ASXL3: variants seen among roughly 807,000 people sequenced by gnomAD.
ASXL3 encodes the protein putative Polycomb group protein ASXL3.
In ASXL3, 34 loss-of-function variants were observed where a neutral mutation model predicts 170.6. The observed-to-expected ratio is 0.20, with a 90% CI of 0.15 to 0.27. The LOEUF is 0.27. Among genes scored for constraint, ASXL3 ranks in the 10% least tolerant of loss-of-function variants. The pLI, the probability that ASXL3 is intolerant of heterozygous loss-of-function variation, is 1.00. For missense variants in ASXL3, 2,592 were observed against 2,695.3 expected (o/e 0.96, Z 0.85); for synonymous variants, 1,002 against 989.1 (o/e 1.01, Z -0.24).
At chr18:33,733,315 C>G (rs1366515767) in intron 9 of ASXL3, among the ~76,000 whole-genome samples, 1 of 152,084 alleles carries the variant, frequency 6.6e-6, no homozygotes, top group Admixed American at 6.6e-5. Context: ...AGCTTCTCTT[C>G]CCTCTCAACT....
At chr18:33,584,700 C>A (rs747637112) in intron 1 of ASXL3, among the ~76,000 whole-genome samples, 16 of 151,760 alleles carry the variant, frequency 1.1e-4, no homozygotes, top group Non-Finnish European at 2.1e-4. Flanking sequence ...CCTAAAATAC[C>A]CTCTTGAGAT....
chr18:33,668,043 T>G (rs2066285704), intron 5 of ASXL3, among the ~76,000 whole-genome samples: 1 of 152,236 alleles, frequency 6.6e-6, no homozygotes, highest in African/African-American at 2.4e-5. Flanking sequence ...ACCTCTGTTT[T>G]GTAGGACATT....
intron 1 of ASXL3, among the ~76,000 whole-genome samples, chr18:33,594,244 T>C (rs1233043764): frequency 3.3e-5 from 5 of 152,212 alleles, no homozygotes; most frequent in African/African-American, 1.2e-4. Context: ...TAAGACTTGT[T>C]GTGAGTCCTA....
intron 8 of ASXL3, among the ~76,000 whole-genome samples, chr18:33,709,399 A>C (rs2067018614): frequency 6.6e-6 from 1 of 152,204 alleles, no homozygotes. Context: ...TATCAACAGC[A>C]TAATGGATAA....
intron 1 of ASXL3, among the ~76,000 whole-genome samples, chr18:33,585,478 C>G (rs1179908008): frequency 6.6e-6 from 1 of 152,228 alleles, no homozygotes; most frequent in South Asian, 2.1e-4. Flanking sequence ...AGACACCTAC[C>G]TCTCCTCTTC....
intron 8 of ASXL3, among the ~76,000 whole-genome samples, chr18:33,713,346 C>A (rs571922811): frequency 1.2e-4 from 16 of 133,730 alleles, no homozygotes; most frequent in South Asian, 2.5e-4. Flanking sequence ...CCTCCACCCC[C>A]CCCCGGGTTC....
intron 8 of ASXL3, among the ~76,000 whole-genome samples, chr18:33,715,702 A>G (rs1054926504): frequency 3.3e-5 from 5 of 152,204 alleles, no homozygotes; most frequent in African/African-American, 1.2e-4. Flanking sequence ...ATATCTACAG[A>G]AAACCTGAGG....
chr18:33,655,610 C>T (rs2066071429), intron 4 of ASXL3, among the ~76,000 whole-genome samples: 1 of 152,012 alleles, frequency 6.6e-6, no homozygotes, highest in Non-Finnish European at 1.5e-5. Flanking sequence ...AAAGGCAGTT[C>T]TGCTTAGGCT....
At chr18:33,705,958 A>G (rs2066948786) in intron 8 of ASXL3, among the ~76,000 whole-genome samples, 1 of 151,674 alleles carries the variant, frequency 6.6e-6, no homozygotes, top group Non-Finnish European at 1.5e-5. Flanking sequence ...ACCATCAACT[A>G]CTTTTGTCTG....
At chr18:33,682,622 G>A (rs1002049569) in intron 7 of ASXL3, among the ~76,000 whole-genome samples, 4 of 151,996 alleles carry the variant, frequency 2.6e-5, no homozygotes, top group African/African-American at 4.8e-5. Context: ...GTCATGGCTC[G>A]CTGCACCCCT....
rs562473906 is a variant in ASXL3 at position 33,690,425 on chromosome 18, A to G, written c.879+6857A>G. 23 of 152,320 alleles carry G rather than the reference A, an allele frequency of 1.5e-4. 1 individual carries two copies. The South Asian group carries it at 4.8e-3, about 32-fold the overall frequency. 9.4% of individuals were successfully genotyped at this position (152,320 alleles called of 1,614,324 possible). On this transcript the variant is annotated intron_variant, in intron 8 of 11. Coordinates refer to ENST00000269197, the MANE Select transcript of ASXL3 (RefSeq NM_030632.3). ...AATACCCATGTACATGCACCTGTATATGTGTGTGTGAATGCTTCCTTAACT... is the reference window on the plus strand; with the variant it reads ...AATACCCATGTACATGCACCTGTATGTGTGTGTGTGAATGCTTCCTTAACT...
chr18:33,601,078 C>G (rs2065178728), intron 1 of ASXL3, among the ~76,000 whole-genome samples: 1 of 152,070 alleles, frequency 6.6e-6, no homozygotes, highest in African/African-American at 2.4e-5. Flanking sequence ...TTTCCTGTGC[C>G]TCATTGGTGG....
At chr18:33,622,314 G>A (rs932438475) in intron 2 of ASXL3, among the ~76,000 whole-genome samples, 5 of 152,024 alleles carry the variant, frequency 3.3e-5, no homozygotes, top group African/African-American at 1.2e-4. Flanking sequence ...TATTGTCTAG[G>A]CTTGCTATGT....
chr18:33,739,983 T>C lies in ASXL3; in HGVS notation c.2579T>C (p.Met860Thr), dbSNP rs61734121. 2 of 1,613,714 alleles carry C rather than the reference T, an allele frequency of 1.2e-6. No homozygotes were observed. The highest frequency in any genetic ancestry group is 2.7e-5 in the African/African-American group (2 of 74,888). ...ATTCCAGAACTTGCTTCTACTGAAA[T>C]GATAAAAGTTAAAAATCATAGCGTC... The part of the protein sequence containing the change: ...ASIPELASTE[M>T]IKVKNHSVLQ... The change falls in exon 11 of 12, where the codon ATG becomes ACG. Residue 860 changes from methionine to threonine, a missense_variant. By Grantham distance (81) the Met-to-Thr change is moderately conservative. Around this residue, in one of 4 missense-constraint regions of ASXL3, gnomAD observed 2,246 missense variants for 2,219.6 expected, o/e 1.01. Coordinates refer to ENST00000269197, the MANE Select transcript of ASXL3 (RefSeq NM_030632.3).
intron 8 of ASXL3, among the ~76,000 whole-genome samples, chr18:33,713,238 G>T (rs138493114): frequency 0.45 from 19,072 of 42,598 alleles, 4,327 homozygotes; most frequent in East Asian, 0.84. Flanking sequence ...GGTTTTTTTT[G>T]TTTTGTTTTG....
At position 33,733,753 on chromosome 18, in the gene ASXL3, A is replaced by G. The variant is rs549637046; in HGVS notation, c.977-557A>G. On this transcript the variant is annotated intron_variant, in intron 9 of 11. Transcript: ENST00000269197. ...TTACTCACAATTGGCCACTCAAAAG[A>G]TCATAAACATATGGATTTGTATCTC... Among the ~76,000 whole-genome samples the G allele has an allele frequency of 6.3e-3, 958 of 152,298 alleles. 10 individuals are homozygous for G. The highest frequency in any genetic ancestry group is 0.022 in the African/African-American group (924 of 41,584).
chr18:33,613,715 T>A (rs548333028), intron 2 of ASXL3, among the ~76,000 whole-genome samples: 1 of 152,170 alleles, frequency 6.6e-6, no homozygotes, highest in East Asian at 1.9e-4. Flanking sequence ...GCCCAGGAGT[T>A]TAAGACCAGC....
chr18:33,609,567 T>G (rs1222700548), intron 2 of ASXL3, among the ~76,000 whole-genome samples: 1 of 151,998 alleles, frequency 6.6e-6, no homozygotes, highest in Non-Finnish European at 1.5e-5. Context: ...TCAGCATGCA[T>G]AGTTAACAAA....
At chr18:33,601,982 T>A (rs2145114580) in intron 1 of ASXL3, among the ~76,000 whole-genome samples, 1 of 151,720 alleles carries the variant, frequency 6.6e-6, no homozygotes, top group South Asian at 2.1e-4. Flanking sequence ...TTTTTATTTT[T>A]TTAGAGACAG....
Sources: allele counts gnomAD v4.1 joint callset (sites outside exome capture counted in the v4.1 genomes callset), GRCh38; gene constraint gnomAD v4.1.1; regional missense constraint gnomAD v4.1.1; transcripts MANE v1.5; gene names NCBI Gene and HGNC (gene_info 2026-07-23, HGNC 2026-07-21).